The following PLXNA4 variants were observed in gnomAD, a reference collection of about 807,000 sequenced individuals.
The protein encoded by PLXNA4 is plexin A4.
A neutral mutation model predicts 191.8 loss-of-function variants in PLXNA4; 44 were observed. The observed-to-expected ratio is 0.23, with a 90% confidence interval of 0.18 to 0.29. The LOEUF is 0.29. PLXNA4 is among the 10% of genes least tolerant of loss of function. The probability of loss-of-function intolerance (pLI) is 1.00; values close to 1 mark genes in which losing one functional copy is unlikely to be tolerated. For missense variants in PLXNA4, 1,800 were observed against 2,488.8 expected (o/e 0.72, Z 5.89); for synonymous variants, 1,082 against 1,009.5 (o/e 1.07, Z -1.36).
intron 3 of PLXNA4, among the ~76,000 whole-genome samples, chr7:132,425,213 C>T (rs1049147509): frequency 6.6e-6 from 1 of 152,168 alleles, no homozygotes; most frequent in Admixed American, 6.5e-5. Flanking sequence ...TTTTTCTCCT[C>T]CTTCCAGAGT....
intron 9 of PLXNA4, among the ~76,000 whole-genome samples, chr7:132,220,340 T>C (rs1440381125): frequency 1.3e-5 from 2 of 152,214 alleles, no homozygotes; most frequent in Admixed American, 6.5e-5. Flanking sequence ...AAAATGGCCC[T>C]GGGATTGAGC....
chr7:132,292,597 G>A (rs1800933706), intron 4 of PLXNA4, among the ~76,000 whole-genome samples: 3 of 152,212 alleles, frequency 2.0e-5, no homozygotes, highest in African/African-American at 7.2e-5. Flanking sequence ...AACAGATGAA[G>A]TCCAAAGCTC....
intron 3 of PLXNA4, among the ~76,000 whole-genome samples, chr7:132,358,322 A>G (rs1268415786): frequency 6.6e-6 from 1 of 152,228 alleles, no homozygotes; most frequent in Non-Finnish European, 1.5e-5. Context: ...TCACTTGTCT[A>G]CAAGGGATGC....
chr7:132,600,353 A>G (rs1802793186), intron 2 of PLXNA4, among the ~76,000 whole-genome samples: 1 of 151,770 alleles, frequency 6.6e-6, no homozygotes, highest in African/African-American at 2.4e-5. Context: ...TCTAATTATG[A>G]TCTTTATTTT....
chr7:132,555,045 G>GA (rs1554467852), intron 1 of PLXNA4, among the ~76,000 whole-genome samples: 170 of 111,882 alleles, frequency 1.5e-3, no homozygotes, highest in South Asian at 2.8e-3. Context: ...AAACCTGAAG[G>GA]AAAAAAAAAA....
intron 1 of PLXNA4, among the ~76,000 whole-genome samples, chr7:132,520,433 G>A (rs1189696193): frequency 1.3e-5 from 2 of 152,162 alleles, no homozygotes; most frequent in Non-Finnish European, 1.5e-5. Context: ...TCCGCAGCAG[G>A]AGGCCAGCAG....
At chr7:132,224,000 G>A (rs1259397179) in intron 8 of PLXNA4, among the ~76,000 whole-genome samples, 1 of 152,116 alleles carries the variant, frequency 6.6e-6, no homozygotes, top group Non-Finnish European at 1.5e-5. Context: ...AAAAGATTAG[G>A]TTTGTATGCA....
intron 25 of PLXNA4, among the ~76,000 whole-genome samples, chr7:132,157,934 A>G (rs1795842843): frequency 6.6e-6 from 1 of 152,144 alleles, no homozygotes; most frequent in Non-Finnish European, 1.5e-5. Context: ...ATGGCAGCAA[A>G]TCAAATGCAC....
At chr7:132,553,496 C>T (rs1800656600) in intron 1 of PLXNA4, among the ~76,000 whole-genome samples, 1 of 152,086 alleles carries the variant, frequency 6.6e-6, no homozygotes, top group African/African-American at 2.4e-5. Flanking sequence ...AGCTGTCCCC[C>T]AGCTCAATCT....
chr7:132,157,565 T>C (rs1795833691), intron 25 of PLXNA4, among the ~76,000 whole-genome samples: 1 of 152,218 alleles, frequency 6.6e-6, no homozygotes, highest in African/African-American at 2.4e-5. Context: ...TGCATGCAGG[T>C]GCTCCTTCTG....
intron 31 of PLXNA4, among the ~76,000 whole-genome samples, chr7:132,132,847 C>G (rs954756191): frequency 1.3e-5 from 2 of 152,100 alleles, no homozygotes; most frequent in Non-Finnish European, 2.9e-5. Flanking sequence ...ATCTAAGAAG[C>G]ACAGGGATGA....
intron 3 of PLXNA4, among the ~76,000 whole-genome samples, chr7:132,469,190 A>G (rs1402304465): frequency 6.6e-6 from 1 of 151,676 alleles, no homozygotes; most frequent in Non-Finnish European, 1.5e-5. Context: ...TCCAAAAGGG[A>G]GCAGTGGCAC....
intron 3 of PLXNA4, among the ~76,000 whole-genome samples, chr7:132,404,371 C>T (rs546559068): frequency 1.3e-5 from 2 of 152,358 alleles, no homozygotes; most frequent in Non-Finnish European, 2.9e-5. Flanking sequence ...CGATATGCAG[C>T]CCCCTTAGCC....
At chr7:132,416,077 A>T (rs10264712) in intron 3 of PLXNA4, among the ~76,000 whole-genome samples, 9,411 of 152,298 alleles carry the variant, frequency 0.062, 507 homozygotes, top group Admixed American at 0.16. Context: ...CAGTAGTCCC[A>T]TGTGGCTGGT....
chr7:132,372,374 C>T (rs1466995463), intron 3 of PLXNA4, among the ~76,000 whole-genome samples: 1 of 152,228 alleles, frequency 6.6e-6, no homozygotes, highest in African/African-American at 2.4e-5. Flanking sequence ...ACACACGTGG[C>T]GTGGCCTGGG....
intron 3 of PLXNA4, among the ~76,000 whole-genome samples, chr7:132,373,394 CTA>C (rs1168864669): frequency 6.6e-6 from 1 of 152,110 alleles, no homozygotes; most frequent in Admixed American, 6.5e-5. Flanking sequence ...CCCTAAGATT[CTA>C]TGATTGGTGC....
At position 132,185,380 on chromosome 7, in the gene PLXNA4, G is replaced by T; in HGVS notation, c.3077C>A (p.Ala1026Asp). 1 of 1,614,098 alleles carries T rather than the reference G, an allele frequency of 6.2e-7. No individual in the cohort carries two copies. The highest frequency in any genetic ancestry group is 8.5e-7 in the Non-Finnish European group (1 of 1,180,006). The change falls in exon 16 of 32, where the codon GCC becomes GAC. Residue 1026 changes from alanine (A) to aspartate (D), a missense_variant. Coordinates refer to ENST00000321063, the MANE Select transcript of PLXNA4 (RefSeq NM_020911.2). ...EMKVSVQVDRAKIHQDLVFQY... is the reference protein window; with the variant it reads ...EMKVSVQVDRDKIHQDLVFQY... Reference sequence around the variant, plus strand: ...AAAGACCAGGTCCTGGTGGATCTTGGCCCTGTCCACCTGCACCGACACCTT... The same window carrying T: ...AAAGACCAGGTCCTGGTGGATCTTGTCCCTGTCCACCTGCACCGACACCTT...
chr7:132,380,718 G>T (rs1001368007), intron 3 of PLXNA4, among the ~76,000 whole-genome samples: 2 of 152,186 alleles, frequency 1.3e-5, no homozygotes, highest in Non-Finnish European at 2.9e-5. Context: ...AACAGATGAT[G>T]CTTTAGAGCA....
rs1388357455 is a variant in PLXNA4, at chr7:132,188,998, GAGAGAGA to G, written c.2857-1398_2857-1392del. 7.8e-5 allele frequency among the ~76,000 whole-genome samples: 4 copies of G among 51,002 alleles called. No homozygotes were observed. In the East Asian group the frequency reaches 3.0e-3, roughly 38 times the overall value. The allele number at this position is 51,002 out of a possible 152,430, so 33.5% of individuals were successfully genotyped here. ...GGAAAGGAAAGGAAAGGAAAGGAGA[GAGAGAGA>G]GAGAGAGAGAGAGAGAGAGAGAGAA... On this transcript the variant is annotated intron_variant, in intron 14 of 31. Transcript: ENST00000321063.
Sources: allele counts gnomAD v4.1 joint callset (sites outside exome capture counted in the v4.1 genomes callset), GRCh38; gene constraint gnomAD v4.1.1; transcripts MANE v1.5; gene names NCBI Gene and HGNC (gene_info 2026-07-23, HGNC 2026-07-21).